Variants in NAALAD2 observed in about 807,000 individuals in gnomAD.
The protein encoded by NAALAD2 is N-acetylated-alpha-linked acidic dipeptidase 2.
A neutral mutation model predicts 95.6 loss-of-function variants in NAALAD2; 89 were observed. The observed-to-expected ratio is 0.93, with a 90% CI of 0.78 to 1.11. The LOEUF is 1.11. Among genes scored for constraint, NAALAD2 ranks in the 50% least tolerant of loss-of-function variants. The pLI, the probability that NAALAD2 is intolerant of heterozygous loss-of-function variation, is 0.00. For missense variants in NAALAD2, 894 were observed against 872.4 expected, an observed-to-expected ratio of 1.02 and a Z score of -0.31; for synonymous variants, 264 against 294.4, an observed-to-expected ratio of 0.90 and a Z score of 1.06.
At chr11:90,145,526 C>G (rs1411685471) in intron 2 of NAALAD2, among the ~76,000 whole-genome samples, 1 of 152,094 alleles carries the variant, frequency 6.6e-6, no homozygotes, top group South Asian at 2.1e-4. Flanking sequence ...TATTCCTATA[C>G]ATATAAAATA....
chr11:90,188,825 T>A (rs549705279), intron 18 of NAALAD2, among the ~76,000 whole-genome samples: 1 of 152,314 alleles, frequency 6.6e-6, no homozygotes, highest in African/African-American at 2.4e-5. Context: ...TTTTCTATAT[T>A]CTATTACTCC....
At chr11:90,178,281 G>C (rs1952861882) in intron 16 of NAALAD2, among the ~76,000 whole-genome samples, 164 bp downstream of exon 16, 1 of 152,142 alleles carries the variant, frequency 6.6e-6, no homozygotes, top group Non-Finnish European at 1.5e-5. Flanking sequence ...TAAAGAATCT[G>C]ATTTAATCTG....
At chr11:90,159,953 TAA>T (rs759940395) in intron 8 of NAALAD2, among the ~76,000 whole-genome samples, 23,813 of 74,102 alleles carry the variant, frequency 0.32, 2,564 homozygotes, top group Middle Eastern at 0.41. Flanking sequence ...AAACTCCATC[TAA>T]AAAAAAAAAA....
At position 90,147,385 on chromosome 11, in the gene NAALAD2, A is replaced by G. The variant is rs375279849; in HGVS notation, c.250A>G (p.Lys84Glu). The change falls in exon 3 of 19, where the codon AAG becomes GAG. Residue 84 changes from lysine to glutamate, a missense_variant. By Grantham distance (56) the Lys-to-Glu change is moderately conservative. Transcript: ENST00000534061. ...AGTEQNFLLAKKIQTQWKKFG... is the reference protein window; with the variant it reads ...AGTEQNFLLAEKIQTQWKKFG... The stretch of plus-strand genomic sequence containing the variant: ...AACAGAACAAAATTTCTTGCTTGCC[A>G]AGAAAATCCAAACCCAGTGGAAGAA... 58 of 1,613,944 alleles carry G rather than the reference A, an allele frequency of 3.6e-5. No individual in the cohort carries two copies. The highest frequency in any genetic ancestry group is 4.7e-5 in the Non-Finnish European group (55 of 1,179,996).
intron 11 of NAALAD2, among the ~76,000 whole-genome samples, chr11:90,164,806 A>C (rs1952389692): frequency 6.6e-6 from 1 of 152,164 alleles, no homozygotes; most frequent in South Asian, 2.1e-4. Context: ...GTGAAGAGAG[A>C]ATTTTGAAAA....
chr11:90,182,487 C>T (rs1372344181), intron 17 of NAALAD2, among the ~76,000 whole-genome samples: 2 of 152,046 alleles, frequency 1.3e-5, no homozygotes, highest in Non-Finnish European at 2.9e-5. Context: ...TATCTCTTAC[C>T]CTCCTTACAG....
At chr11:90,163,157 G>A in intron 9 of NAALAD2, 123 bp downstream of exon 9, 1 of 1,216,210 alleles carries the variant, frequency 8.2e-7, no homozygotes, top group East Asian at 2.4e-5. Flanking sequence ...AAATTTTGAG[G>A]AAAACTGTAC....
chr11:90,174,007 C>G (rs1952714320), intron 14 of NAALAD2, 92 bp downstream of exon 14: 1 of 887,860 alleles, frequency 1.1e-6, no homozygotes, highest in Non-Finnish European at 1.8e-6. Flanking sequence ...TCTCAAGCGT[C>G]TCATCAATAA....
intron 1 of NAALAD2, 45 bp downstream of exon 1, chr11:90,134,885 C>G (rs754801586): frequency 1.9e-6 from 3 of 1,595,862 alleles, no homozygotes; most frequent in Admixed American, 1.7e-5. Flanking sequence ...GCTCGTGATT[C>G]TCTGCAGAGA....
intron 8 of NAALAD2, among the ~76,000 whole-genome samples, chr11:90,160,350 G>A (rs757207776): frequency 1.3e-5 from 2 of 152,136 alleles, no homozygotes; most frequent in African/African-American, 4.8e-5. Context: ...AGAGAGAAAT[G>A]TAACACTGAT....
At chr11:90,156,515 T>C (rs1162817558) in intron 6 of NAALAD2, among the ~76,000 whole-genome samples, 1 of 152,154 alleles carries the variant, frequency 6.6e-6, no homozygotes, top group African/African-American at 2.4e-5. Context: ...GATTATTTAG[T>C]GCTATACCTC....
chr11:90,155,651 ATATG>A (rs1456831999), intron 6 of NAALAD2, among the ~76,000 whole-genome samples: 1 of 79,652 alleles, frequency 1.3e-5, no homozygotes, highest in South Asian at 4.1e-4. Context: ...TAATTATTAC[ATATG>A]TATGTATTAT....
chr11:90,170,736 C>G (rs912692829), intron 13 of NAALAD2, among the ~76,000 whole-genome samples: 2 of 152,060 alleles, frequency 1.3e-5, no homozygotes, highest in Non-Finnish European at 2.9e-5. Flanking sequence ...TGCAGAGTCA[C>G]TGATGTTTGG....
Position 90,176,035 on chromosome 11 carries a change from A to G in NAALAD2, c.1566A>G (p.Ser522=). Residue 522 remains serine, a synonymous_variant, in exon 15 of 19, where the codon TCA becomes TCG. Coordinates refer to ENST00000534061, the MANE Select transcript of NAALAD2 (RefSeq NM_005467.4). ...ATTTTCAGAGACTTGGAATTGCTTC[A>G]GGCAGAGCCCGTTACACTAAGAATA... ...EAYFQRLGIA[S]GRARYTKNKK... is the part of the protein sequence containing the mutation. 1 of 1,613,836 alleles carries G rather than the reference A, an allele frequency of 6.2e-7. No individual in the cohort carries two copies. Among genetic ancestry groups the G allele is most frequent in the Non-Finnish European group, 8.5e-7 (1 of 1,179,842 alleles).
intron 15 of NAALAD2, 24 bp from the exon 16 acceptor site, chr11:90,177,829 C>T (rs764010362): frequency 5.7e-6 from 9 of 1,580,386 alleles, no homozygotes; most frequent in East Asian, 2.2e-5. Flanking sequence ...TTTATTTATA[C>T]TTGCCTCTCC....
intron 8 of NAALAD2, 146 bp from the exon 9 acceptor site, chr11:90,162,803 T>G: frequency 2.0e-6 from 1 of 490,864 alleles, no homozygotes. Flanking sequence ...AATTATTGAA[T>G]TTAGGTGGTA....
intron 2 of NAALAD2, among the ~76,000 whole-genome samples, chr11:90,144,067 A>G (rs115323580): frequency 0.021 from 3,261 of 152,236 alleles, 108 homozygotes; most frequent in African/African-American, 0.073. Flanking sequence ...TGCTTTTTTG[A>G]TGATACAGGA....
chr11:90,154,341 C>T (rs1024850016), intron 6 of NAALAD2, among the ~76,000 whole-genome samples: 3 of 151,758 alleles, frequency 2.0e-5, no homozygotes, highest in South Asian at 2.1e-4. Flanking sequence ...ATATACTGGG[C>T]GTTTTCATTA....
At chr11:90,133,498 G>GA (rs11421214), upstream of NAALAD2, among the ~76,000 whole-genome samples, 66,501 of 147,612 alleles carry the variant, frequency 0.45, 15,548 homozygotes, top group African/African-American at 0.61. Flanking sequence ...CAGACTATTA[G>GA]AAAAAAAAAA....
Sources: allele counts gnomAD v4.1 joint callset (sites outside exome capture counted in the v4.1 genomes callset), GRCh38; gene constraint gnomAD v4.1.1; transcripts MANE v1.5; gene names NCBI Gene and HGNC (gene_info 2026-07-23, HGNC 2026-07-21).